Variants in SLC17A1 observed in about 807,000 individuals in gnomAD.
SLC17A1 encodes solute carrier family 17 member 1.
SLC17A1 carries 51 observed loss-of-function variants against 53.5 expected under a neutral mutation model. That is an observed-to-expected ratio of 0.95 (90% confidence interval 0.76 to 1.20). SLC17A1 has a LOEUF of 1.20. SLC17A1 is among the 50% of genes most tolerant of loss of function. The pLI is 0.00. For missense variants in SLC17A1, 538 were observed against 568.2 expected, an observed-to-expected ratio of 0.95 and a Z score of 0.54; for synonymous variants, 179 against 198.8, an observed-to-expected ratio of 0.90 and a Z score of 0.84.
At chr6:25,769,050 C>T in the SLC17A1 span, 1 of 1,613,948 alleles carries the variant, frequency 6.2e-7, no homozygotes, top group Non-Finnish European at 8.5e-7. Context: ...AATTTACACC[C>T]AACAAATGAA....
the SLC17A1 span, among the ~76,000 whole-genome samples, chr6:25,761,060 G>C: frequency 2.6e-5 from 4 of 152,126 alleles, no homozygotes; most frequent in African/African-American, 9.7e-5. Context: ...AATCTGTTTT[G>C]AGTGAATCAG....
chr6:25,765,622 A>C, the SLC17A1 span, among the ~76,000 whole-genome samples: 1 of 152,246 alleles, frequency 6.6e-6, no homozygotes, highest in Non-Finnish European at 1.5e-5. Context: ...AGAAGTCCCA[A>C]TATAGATGAG....
At chr6:25,768,241 T>C in the SLC17A1 span, 14 of 283,062 alleles carry the variant, frequency 4.9e-5, no homozygotes, top group Admixed American at 3.9e-4. Flanking sequence ...GAAACCATGC[T>C]GTCCATTCCA....
the SLC17A1 span, among the ~76,000 whole-genome samples, chr6:25,752,274 CAT>C: frequency 1.3e-4 from 20 of 152,164 alleles, no homozygotes; most frequent in African/African-American, 3.9e-4. Context: ...ACCTGTACCA[CAT>C]GTTACTATAC....
the SLC17A1 span, among the ~76,000 whole-genome samples, chr6:25,752,231 T>A: frequency 6.6e-6 from 1 of 152,332 alleles, no homozygotes; most frequent in East Asian, 1.9e-4. Context: ...ACACCTAGGT[T>A]ATGTGGTCTA....
intron 12 of SLC17A1, among the ~76,000 whole-genome samples, chr6:25,789,206 T>C (rs1162467967): frequency 6.6e-6 from 1 of 152,158 alleles, no homozygotes; most frequent in African/African-American, 2.4e-5. Context: ...CTCTGGAATT[T>C]TGTTTTGTGC....
chr6:25,756,411 G>A, the SLC17A1 span, among the ~76,000 whole-genome samples: 1 of 152,160 alleles, frequency 6.6e-6, no homozygotes, highest in African/African-American at 2.4e-5. Flanking sequence ...TAGGCAGAGT[G>A]CTTGCCCTCC....
chr6:25,726,811 A>C, the SLC17A1 span: 1 of 1,407,318 alleles, frequency 7.1e-7, no homozygotes, highest in South Asian at 1.4e-5. Flanking sequence ...AGCTGAGGTC[A>C]TTTGGAGCTG....
chr6:25,779,093 G>A (rs34953835), downstream of SLC17A1: 2 of 1,613,760 alleles, frequency 1.2e-6, no homozygotes, highest in Non-Finnish European at 1.7e-6. Context: ...CTTGCTTTCA[G>A]CTGCTGTTAA....
intron 1 of SLC17A1, among the ~76,000 whole-genome samples, chr6:25,831,138 A>G (rs2151512614): frequency 6.6e-6 from 1 of 152,304 alleles, no homozygotes; most frequent in Non-Finnish European, 1.5e-5. Flanking sequence ...TTACACGTCC[A>G]CATGCCCCTG....
the SLC17A1 span, among the ~76,000 whole-genome samples, chr6:25,739,979 G>T: frequency 6.6e-6 from 1 of 152,144 alleles, no homozygotes; most frequent in Non-Finnish European, 1.5e-5. Flanking sequence ...TAGTAATTAA[G>T]ATAAAGCCAC....
the SLC17A1 span, among the ~76,000 whole-genome samples, chr6:25,741,379 G>A: frequency 6.8e-6 from 1 of 147,152 alleles, no homozygotes; most frequent in Non-Finnish European, 1.5e-5. Context: ...AGATCAGCCT[G>A]GCCAACATGG....
At chr6:25,762,184 T>C in the SLC17A1 span, 1 of 688,396 alleles carries the variant, frequency 1.5e-6, no homozygotes, top group Non-Finnish European at 2.4e-6. Flanking sequence ...CTACCACCAA[T>C]TGCCAATAAT....
the SLC17A1 span, chr6:25,768,946 G>A: frequency 6.3e-7 from 1 of 1,582,034 alleles, no homozygotes; most frequent in Non-Finnish European, 8.7e-7. Context: ...TGGGAGAAAA[G>A]CATTCTGATT....
chr6:25,731,978 G>A, the SLC17A1 span: 2 of 1,591,882 alleles, frequency 1.3e-6, no homozygotes, highest in Non-Finnish European at 1.7e-6. Flanking sequence ...AAGAATTCAT[G>A]ATACTCATGG....
the SLC17A1 span, among the ~76,000 whole-genome samples, chr6:25,767,433 G>A: frequency 0.3 from 45,356 of 151,908 alleles, 7,754 homozygotes; most frequent in East Asian, 0.74. Context: ...GGTAGACTCT[G>A]TTATTAATCT....
chr6:25,813,014 A>G lies in SLC17A1; in HGVS notation c.736-22T>C, dbSNP rs1422042293. On this transcript the variant is annotated intron_variant, in intron 7 of 12. Transcript: ENST00000244527. ...TGACCTGGAGAGAAATTCATTAAGAATTAGCACATTAGAACAAACTGGAAC... is the reference window on the plus strand; with the variant it reads ...TGACCTGGAGAGAAATTCATTAAGAGTTAGCACATTAGAACAAACTGGAAC... 3 of 1,613,532 alleles carry G rather than the reference A, an allele frequency of 1.9e-6. No individual in the cohort carries two copies. The Admixed American group carries it at 5.0e-5, about 27-fold the overall frequency.
the SLC17A1 span, among the ~76,000 whole-genome samples, chr6:25,772,549 A>G: frequency 4.1e-4 from 63 of 152,316 alleles, no homozygotes; most frequent in Middle Eastern, 3.4e-3. Context: ...CTCAATACTG[A>G]TAATGTTAAA....
At chr6:25,821,390 A>G (rs1764555861) in intron 3 of SLC17A1, among the ~76,000 whole-genome samples, 1 of 152,210 alleles carries the variant, frequency 6.6e-6, no homozygotes, top group Non-Finnish European at 1.5e-5. Context: ...GCACATCCTT[A>G]TAGTAGCCTG....
Sources: gnomAD v4.1 joint callset for allele counts (sites outside exome capture counted in the v4.1 genomes callset) on GRCh38, gnomAD v4.1.1 for gene constraint, MANE v1.5 for transcripts, NCBI Gene and HGNC (gene_info 2026-07-23, HGNC 2026-07-21) for gene names.